N4BP2: variants seen among roughly 807,000 people sequenced by gnomAD.
N4BP2 encodes the protein NEDD4 binding protein 2, also known as NEDD4-binding protein 2.
A neutral mutation model predicts 152.8 loss-of-function variants in N4BP2; 91 were observed. The observed-to-expected ratio is 0.60, with a 90% CI of 0.50 to 0.71. The LOEUF is 0.71. Among genes scored for constraint, N4BP2 ranks in the 30% least tolerant of loss-of-function variants. The probability of loss-of-function intolerance (pLI) is 0.00; values close to 1 mark genes in which losing one functional copy is unlikely to be tolerated. For synonymous variants in N4BP2, 646 were observed against 705.3 expected (o/e 0.92, Z 1.33); for missense variants, 1,923 against 2,059.1 (o/e 0.93, Z 1.28).
At chr4:40,089,435 C>CTTTTTTT (rs1281842286) in intron 2 of N4BP2, among the ~76,000 whole-genome samples, 1 of 111,142 alleles carries the variant, frequency 9.0e-6, no homozygotes, top group African/African-American at 3.4e-5. Context: ...TCAGTTTTGC[C>CTTTTTTT]TTTTTTTTTT....
At position 40,102,162 on chromosome 4, in the gene N4BP2, A is replaced by T. The variant is rs1285572818; in HGVS notation, c.317A>T (p.Glu106Val). 12 of 1,613,582 alleles carry T rather than the reference A, an allele frequency of 7.4e-6. No homozygotes were observed. Among genetic ancestry groups the T allele is most frequent in the African/African-American group, 1.3e-5 (1 of 74,910 alleles). Residue 106 changes from glutamate to valine, a missense_variant, in exon 4 of 18, where the codon GAG becomes GTG. Glu to Val is a moderately radical substitution (Grantham distance 121, BLOSUM62 -2). Coordinates refer to ENST00000261435, the MANE Select transcript of N4BP2 (RefSeq NM_018177.6). ...ESSSQSFVASENQVGAAESKI... is the reference protein window; with the variant it reads ...ESSSQSFVASVNQVGAAESKI... Reference sequence around the variant, plus strand: ...TCTTCACAAAGTTTCGTTGCTTCTGAGAACCAAGTAGGTGCAGCAGAAAGT... The same window carrying T: ...TCTTCACAAAGTTTCGTTGCTTCTGTGAACCAAGTAGGTGCAGCAGAAAGT...
chr4:40,177,801 C>A, the N4BP2 span, among the ~76,000 whole-genome samples: 5 of 152,162 alleles, frequency 3.3e-5, no homozygotes, highest in South Asian at 1.0e-3. Flanking sequence ...GTTCTTCCAT[C>A]TTCTCTGCAG....
intron 5 of N4BP2, among the ~76,000 whole-genome samples, chr4:40,111,353 C>G (rs1716861892): frequency 6.6e-6 from 1 of 152,182 alleles, no homozygotes; most frequent in Non-Finnish European, 1.5e-5. Flanking sequence ...CGGAGTCTTA[C>G]TCTGTCACCC....
At chr4:40,107,968 G>A (rs1716483700) in intron 5 of N4BP2, among the ~76,000 whole-genome samples, 1 of 150,842 alleles carries the variant, frequency 6.6e-6, no homozygotes, top group Non-Finnish European at 1.5e-5. Flanking sequence ...CTGTTGCCCT[G>A]GCTGCAGTGC....
At chr4:40,190,346 G>T in the N4BP2 span, among the ~76,000 whole-genome samples, 9 of 152,196 alleles carry the variant, frequency 5.9e-5, no homozygotes, top group East Asian at 1.7e-3. Context: ...ATGGCTTCAG[G>T]AGGCACCTCT....
At chr4:40,128,951 C>T (rs1250112085) in intron 12 of N4BP2, among the ~76,000 whole-genome samples, 2 of 152,168 alleles carry the variant, frequency 1.3e-5, no homozygotes, top group African/African-American at 4.8e-5. Context: ...CAGTTCTACC[C>T]TCCCTTTAAT....
At chr4:40,091,602 CTTTTTTTTTTTTTTT>C (rs35142277) in intron 2 of N4BP2, among the ~76,000 whole-genome samples, 3 of 80,470 alleles carry the variant, frequency 3.7e-5, no homozygotes, top group Non-Finnish European at 4.8e-5. Flanking sequence ...GTATACAATC[CTTTTTTTTTTTTTTT>C]TTTTTTTTGA....
rs150333192 is a variant in N4BP2 at position 40,076,949 on chromosome 4, G to C, written c.-115+3398G>C. Reference sequence around the variant, plus strand: ...TTTGGTAGCTTCTCTTTCTGAGGAAGTTGTTTGCTGATCGTGTTTGGGAAC... The same window carrying C: ...TTTGGTAGCTTCTCTTTCTGAGGAACTTGTTTGCTGATCGTGTTTGGGAAC... On this transcript the variant is annotated intron_variant, in intron 2 of 17. Transcript: ENST00000261435. Among the ~76,000 whole-genome samples, 427 of 152,264 alleles carry C rather than the reference G, an allele frequency of 2.8e-3. 7 individuals carry two copies. Among genetic ancestry groups the C allele is most frequent in the Admixed American group, 0.021 (324 of 15,270 alleles).
Position 40,142,669 on chromosome 4 carries a change from A to G in N4BP2, c.4786-4A>G. On this transcript the variant is annotated splice_polypyrimidine_tract_variant and splice_region_variant and intron_variant, in intron 14 of 17. Transcript: ENST00000261435. ...TGTGTTACTTATTGTTTAATATCTT[A>G]TAGCCAAAGAAATTAAAAGAGACTG... The G allele has an allele frequency of 2.5e-6, 4 of 1,597,540 alleles. No homozygotes were observed. The highest frequency in any genetic ancestry group is 2.6e-6 in the Non-Finnish European group (3 of 1,172,436).
At chr4:40,125,624 G>A (rs2664204) in intron 11 of N4BP2, among the ~76,000 whole-genome samples, 3 of 152,200 alleles carry the variant, frequency 2.0e-5, no homozygotes, top group Non-Finnish European at 2.9e-5. Context: ...GGTGGCTCAC[G>A]CCTGTAATCC....
chr4:40,107,059 T>C (rs570416401), intron 5 of N4BP2, 35 bp downstream of exon 5: 2 of 1,595,704 alleles, frequency 1.3e-6, no homozygotes, highest in African/African-American at 1.4e-5. Flanking sequence ...GGTAACGTTA[T>C]GAGTAATACA....
At chr4:40,167,387 G>T in the N4BP2 span, 1 of 152,278 alleles carries the variant, frequency 6.6e-6, no homozygotes, top group East Asian at 1.9e-4. Context: ...AACATACTCT[G>T]ACAGAATTCC....
chr4:40,121,971 T>C lies in N4BP2; in HGVS notation c.3860T>C (p.Ile1287Thr), dbSNP rs1005974905. ...NIHSPSHFSDIFNFVSSTSNL... is the reference protein window; with the variant it reads ...NIHSPSHFSDTFNFVSSTSNL... ...CATTCTCCTTCACATTTCTCTGATA[T>C]TTTTAACTTTGTATCTAGTACTTCA... The change falls in exon 9 of 18, where the codon ATT becomes ACT. Residue 1287 changes from isoleucine (I) to threonine (T), a missense_variant. Ile to Thr is a moderately conservative substitution (Grantham distance 89). Coordinates refer to ENST00000261435, the MANE Select transcript of N4BP2 (RefSeq NM_018177.6). 2 of 1,556,680 alleles carry C rather than the reference T, an allele frequency of 1.3e-6. No individual in the cohort carries two copies. Among genetic ancestry groups the C allele is most frequent in the African/African-American group, 2.8e-5 (2 of 72,292 alleles).
intron 4 of N4BP2, among the ~76,000 whole-genome samples, chr4:40,106,455 T>C (rs1475823630): frequency 6.6e-6 from 1 of 152,202 alleles, no homozygotes; most frequent in Non-Finnish European, 1.5e-5. Context: ...CAGCTGGGAC[T>C]ATAGGTGCAC....
At chr4:40,081,523 G>A (rs1713365797) in intron 2 of N4BP2, among the ~76,000 whole-genome samples, 1 of 152,094 alleles carries the variant, frequency 6.6e-6, no homozygotes, top group South Asian at 2.1e-4. Context: ...CCGCATGCCT[G>A]TAATCCCAGC....
intron 2 of N4BP2, among the ~76,000 whole-genome samples, chr4:40,081,068 A>G (rs1038549431): frequency 2.0e-5 from 3 of 151,820 alleles, no homozygotes; most frequent in Admixed American, 2.0e-4. Flanking sequence ...AGGGAATGGA[A>G]GGGATATATA....
chr4:40,183,483 C>G, the N4BP2 span, among the ~76,000 whole-genome samples: 1 of 152,056 alleles, frequency 6.6e-6, no homozygotes, highest in African/African-American at 2.4e-5. Flanking sequence ...CTACAGGAGC[C>G]CGCTACCGTG....
chr4:40,099,216 C>T (rs576858984), intron 3 of N4BP2, among the ~76,000 whole-genome samples: 1 of 152,152 alleles, frequency 6.6e-6, no homozygotes, highest in South Asian at 2.1e-4. Context: ...TCACTTCAGC[C>T]TTTTCAACAT....
the N4BP2 span, among the ~76,000 whole-genome samples, chr4:40,187,591 A>T: frequency 6.6e-6 from 1 of 152,240 alleles, no homozygotes; most frequent in Non-Finnish European, 1.5e-5. Flanking sequence ...AAGCACTAGG[A>T]TTACAAGCGT....
Sources: allele counts gnomAD v4.1 joint callset (sites outside exome capture counted in the v4.1 genomes callset), GRCh38; gene constraint gnomAD v4.1.1; transcripts MANE v1.5; gene names NCBI Gene and HGNC (gene_info 2026-07-23, HGNC 2026-07-21).